The following CCSER1 variants were observed in gnomAD, a reference collection of about 807,000 sequenced individuals.
CCSER1 encodes the protein coiled-coil serine rich protein 1.
CCSER1 carries 41 observed loss-of-function variants against 82.0 expected under a neutral mutation model. That is an observed-to-expected ratio of 0.50 (90% confidence interval 0.39 to 0.65). The LOEUF is 0.65. Among genes scored for constraint, CCSER1 ranks in the 30% least tolerant of loss-of-function variants. The pLI is 0.00. For synonymous variants in CCSER1, 414 were observed against 383.9 expected, an observed-to-expected ratio of 1.08 and a Z score of -0.92; for missense variants, 1,119 against 1,064.2, an observed-to-expected ratio of 1.05 and a Z score of -0.72.
intron 1 of CCSER1, among the ~76,000 whole-genome samples, chr4:90,235,678 C>T: frequency 6.6e-6 from 1 of 151,790 alleles, no homozygotes; most frequent in East Asian, 1.9e-4. Flanking sequence ...TTGGTATTAA[C>T]CAAGAGTGGT....
At chr4:90,826,437 G>A (rs1760460389) in intron 8 of CCSER1, among the ~76,000 whole-genome samples, 1 of 152,096 alleles carries the variant, frequency 6.6e-6, no homozygotes, top group African/African-American at 2.4e-5. Context: ...GGAGTAGAGT[G>A]GTATCTGTCC....
At chr4:90,863,028 T>C (rs1765289359) in intron 8 of CCSER1, among the ~76,000 whole-genome samples, 1 of 150,818 alleles carries the variant, frequency 6.6e-6, no homozygotes, top group Non-Finnish European at 1.5e-5. Flanking sequence ...CATGCTGGTG[T>C]GCTGCACCCA....
intron 9 of CCSER1, among the ~76,000 whole-genome samples, chr4:90,962,186 A>G (rs1419820430): frequency 1.3e-5 from 2 of 152,076 alleles, no homozygotes; most frequent in African/African-American, 2.4e-5. Context: ...AACTCACAGA[A>G]CATTCTGTAC....
chr4:90,309,332 T>C lies in CCSER1; in HGVS notation c.1048T>C (p.Leu350=). The change falls in exon 2 of 11, where the codon TTA becomes CTA. Residue 350 remains leucine, a synonymous_variant. Transcript: ENST00000509176. ...TSAANQKEVL[L]QIAELPATSV... ...TGCTGCTAATCAGAAGGAAGTGTTA[T>C]TACAAATTGCTGAACTACCTGCTAC... The C allele has an allele frequency of 6.2e-7, 1 of 1,613,870 alleles. No homozygotes were observed. Among genetic ancestry groups the C allele is most frequent in the Non-Finnish European group, 8.5e-7 (1 of 1,179,812 alleles).
At chr4:90,235,219 C>T (rs1745555760) in intron 1 of CCSER1, 2 of 152,714 alleles carry the variant, frequency 1.3e-5, no homozygotes, top group Admixed American at 6.5e-5. Context: ...TTGGGCTCTC[C>T]ATGTCCCAGG....
intron 10 of CCSER1, among the ~76,000 whole-genome samples, chr4:91,597,732 CTCTT>C (rs1380838254): frequency 1.3e-5 from 2 of 151,938 alleles, no homozygotes; most frequent in African/African-American, 4.8e-5. Flanking sequence ...CATTTTTATC[CTCTT>C]TCTTTGTAGC....
chr4:90,313,348 T>A (rs1187100550), intron 3 of CCSER1, among the ~76,000 whole-genome samples: 1 of 152,106 alleles, frequency 6.6e-6, no homozygotes, highest in Non-Finnish European at 1.5e-5. Context: ...AACATGAGGC[T>A]CCCCTTTGAC....
intron 6 of CCSER1, among the ~76,000 whole-genome samples, chr4:90,698,415 C>T (rs940130835): frequency 6.6e-6 from 1 of 152,048 alleles, no homozygotes; most frequent in Non-Finnish European, 1.5e-5. Context: ...AAGATAAAAT[C>T]GAGCAGACAA....
At chr4:90,531,885 C>A (rs528623042) in intron 5 of CCSER1, among the ~76,000 whole-genome samples, 349 of 152,032 alleles carry the variant, frequency 2.3e-3, no homozygotes, top group Non-Finnish European at 3.5e-3. Flanking sequence ...ACTTGTATAA[C>A]AACATACTTT....
chr4:90,232,272 G>C (rs1183217149), intron 1 of CCSER1, among the ~76,000 whole-genome samples: 1 of 151,178 alleles, frequency 6.6e-6, no homozygotes, highest in Non-Finnish European at 1.5e-5. Context: ...TACCAAAACA[G>C]AGATGTAGAT....
intron 1 of CCSER1, among the ~76,000 whole-genome samples, chr4:90,223,156 C>G (rs993154826): frequency 1.3e-5 from 2 of 152,120 alleles, no homozygotes; most frequent in Non-Finnish European, 2.9e-5. Context: ...ATATATTCCT[C>G]ATTTCTAAAA....
chr4:91,256,904 T>C (rs1201208181), intron 10 of CCSER1, among the ~76,000 whole-genome samples: 5 of 152,216 alleles, frequency 3.3e-5, no homozygotes, highest in Non-Finnish European at 7.3e-5. Flanking sequence ...CTTCTTGGGT[T>C]AAACAAGCTC....
chr4:90,384,075 T>C (rs936476225), intron 3 of CCSER1, among the ~76,000 whole-genome samples: 1 of 152,004 alleles, frequency 6.6e-6, no homozygotes, highest in Non-Finnish European at 1.5e-5. Flanking sequence ...TGTTTAGTTT[T>C]TCGAACCCTC....
chr4:90,137,198 T>G (rs1427593904), intron 1 of CCSER1, among the ~76,000 whole-genome samples: 1 of 152,196 alleles, frequency 6.6e-6, no homozygotes, highest in Admixed American at 6.5e-5. Flanking sequence ...AAGTACAGAT[T>G]ACTAAACTGG....
At chr4:90,156,759 A>C (rs547203135) in intron 1 of CCSER1, among the ~76,000 whole-genome samples, 6 of 152,054 alleles carry the variant, frequency 3.9e-5, no homozygotes, top group Admixed American at 1.3e-4. Flanking sequence ...TTTTGAGCCT[A>C]TGTGTGTCTC....
rs1734719119 is a variant in CCSER1 at position 90,308,537 on chromosome 4, C to T, written c.253C>T (p.Gln85Ter). 1 of 1,613,746 alleles carries T rather than the reference C, an allele frequency of 6.2e-7. No individual in the cohort carries two copies. Among genetic ancestry groups the T allele is most frequent in the African/African-American group, 1.3e-5 (1 of 74,904 alleles). The change falls in exon 2 of 11, where the codon CAG (glutamine) becomes TAG (stop). Residue 85 changes from glutamine to a stop codon, truncating the protein, a stop_gained. Transcript: ENST00000509176. LOFTEE classifies it high-confidence loss of function. ...GSEPKQEPTN[Q>*]NLSISNGAQP... The stretch of plus-strand genomic sequence containing the variant: ...TGAGCCTAAGCAAGAGCCTACCAAC[C>T]AGAACCTTAGTATTTCAAATGGTGC...
chr4:90,221,879 G>A (rs1226978640), intron 1 of CCSER1, among the ~76,000 whole-genome samples: 4 of 152,122 alleles, frequency 2.6e-5, no homozygotes, highest in African/African-American at 7.2e-5. Context: ...ACTGATCCTG[G>A]CTGCTTTTAT....
chr4:90,489,171 C>A (rs1243215063), intron 5 of CCSER1, among the ~76,000 whole-genome samples: 2 of 151,984 alleles, frequency 1.3e-5, no homozygotes, highest in African/African-American at 4.8e-5. Context: ...AGAAGCATAC[C>A]CTTGATTAAT....
At chr4:91,027,490 A>G (rs986953951) in intron 9 of CCSER1, among the ~76,000 whole-genome samples, 1 of 152,048 alleles carries the variant, frequency 6.6e-6, no homozygotes, top group Non-Finnish European at 1.5e-5. Flanking sequence ...ATCAATAAAG[A>G]CAGTATATAT....
Sources: allele counts gnomAD v4.1 joint callset (sites outside exome capture counted in the v4.1 genomes callset), GRCh38; gene constraint gnomAD v4.1.1; transcripts MANE v1.5; gene names NCBI Gene and HGNC (gene_info 2026-07-23, HGNC 2026-07-21).